The following GANC variants were observed in gnomAD, a reference collection of about 807,000 sequenced individuals.
GANC encodes neutral alpha-glucosidase C.
In GANC, 117 loss-of-function variants were observed where a neutral mutation model predicts 124.2. That is an observed-to-expected ratio of 0.94 (90% confidence interval 0.81 to 1.10). The LOEUF (loss-of-function observed/expected upper bound fraction) is 1.10. Ranked by LOEUF, GANC falls within the 50% of genes least tolerant of loss-of-function variation. GANC has a pLI of 0.00. For synonymous variants in GANC, 377 were observed against 376.8 expected, an observed-to-expected ratio of 1.00 and a Z score of -0.01; for missense variants, 1,140 against 1,095.0, an observed-to-expected ratio of 1.04 and a Z score of -0.58.
At chr15:42,307,367 T>A (rs1033462281) in intron 7 of GANC, among the ~76,000 whole-genome samples, 1 of 138,622 alleles carries the variant, frequency 7.2e-6, no homozygotes, top group African/African-American at 2.7e-5. Flanking sequence ...AGGTTCTCAC[T>A]CTGTCACCCA....
chr15:42,335,607 A>G (rs1457026543), intron 15 of GANC, among the ~76,000 whole-genome samples: 2 of 152,212 alleles, frequency 1.3e-5, no homozygotes, highest in Non-Finnish European at 2.9e-5. Flanking sequence ...TATTGGAAGA[A>G]GTCCTGGCCA....
rs759154896 is a variant in GANC, at chr15:42,340,779, T to C, written c.2152+25T>C. On this transcript the variant is annotated intron_variant, in intron 18 of 23. Transcript: ENST00000318010. ...GGTGAGCATTTCTGTTTTTTTTTTT[T>C]TTTTTGAGACGGAGTCTCACTCTGT... 1.9e-6 allele frequency: 3 copies of C among 1,580,192 alleles called. No homozygotes were observed. In the South Asian group the frequency reaches 3.4e-5, roughly 18 times the overall value.
intron 15 of GANC, among the ~76,000 whole-genome samples, chr15:42,335,367 C>A (rs1164525893): frequency 6.6e-6 from 1 of 152,146 alleles, no homozygotes; most frequent in Non-Finnish European, 1.5e-5. Flanking sequence ...ACAAAAACCA[C>A]ATGATCATCT....
rs772377880 is a variant in GANC at position 42,348,205 on chromosome 15, C to A, written c.2407C>A (p.Leu803Ile). Residue 803 changes from leucine to isoleucine, a missense_variant, in exon 21 of 24, where the codon CTA (leucine) becomes ATA (isoleucine). Physicochemically the swap from Leu to Ile is conservative, Grantham distance 5. Transcript: ENST00000318010. ...TESSYGLRVA[L>I]STKGSSVGEL... is the part of the protein sequence containing the mutation. ...ATCCTCCTATGGACTCCGGGTTGCT[C>A]TAAGCACTAAGGTATTTGGTAAATC... is the stretch of plus-strand genomic sequence containing the variant. 1.2e-6 allele frequency: 2 copies of A among 1,603,452 alleles called. No homozygotes were observed. The highest frequency in any genetic ancestry group is 1.7e-6 in the Non-Finnish European group (2 of 1,171,428).
Position 42,326,345 on chromosome 15 carries a change from A to C in GANC, c.1341A>C (p.Ser447=). 6.2e-7 allele frequency: 1 copy of C among 1,614,114 alleles called. No homozygotes were observed. Residue 447 remains serine, a synonymous_variant, in exon 12 of 24, where the codon TCA becomes TCC. Transcript: ENST00000318010. ...ACATCAAGATTGATCCTGACTACTC[A>C]GTATATGTGAAGGCCAAAGATCAGG... The part of the protein sequence containing the change: ...DPHIKIDPDY[S]VYVKAKDQGF...
rs2052163294 is a variant in GANC at position 42,322,023 on chromosome 15, A to G, written c.1293+3A>G. The stretch of plus-strand genomic sequence containing the variant: ...TGCTCAGGAGCAAAAAGCGTAAGGT[A>G]AAATAAGCCAACATTTCTGAACCTT... On this transcript the variant is annotated splice_donor_region_variant and intron_variant, in intron 11 of 23. Coordinates refer to ENST00000318010, the MANE Select transcript of GANC (RefSeq NM_198141.3). The G allele has an allele frequency of 1.1e-5, 17 of 1,601,950 alleles. No individual in the cohort carries two copies. The highest frequency in any genetic ancestry group is 1.4e-5 in the Non-Finnish European group (17 of 1,173,540).
At position 42,273,552 on chromosome 15, in the gene GANC, G is replaced by A; in HGVS notation, c.-930G>A. 1 of 1,323,866 alleles carries A rather than the reference G, an allele frequency of 7.6e-7. No homozygotes were observed. Among genetic ancestry groups the A allele is most frequent in the Non-Finnish European group, 1.0e-6 (1 of 984,648 alleles). The allele number at this position is 1,323,866 out of a possible 1,614,324, so 82.0% of individuals were successfully genotyped here. ...GGCGTAGCGGCCCCTCTCTCAGACA[G>A]TCGTCTGTGCGCCGTGAGACTTTGG... is the stretch of plus-strand genomic sequence containing the variant. On this transcript the variant is annotated 5_prime_UTR_variant, in exon 1 of 24. Coordinates refer to ENST00000318010, the MANE Select transcript of GANC (RefSeq NM_198141.3).
At chr15:42,287,405 A>C (rs1315581803) in intron 3 of GANC, among the ~76,000 whole-genome samples, 1 of 152,136 alleles carries the variant, frequency 6.6e-6, no homozygotes, top group Non-Finnish European at 1.5e-5. Context: ...CCTGTCTTTC[A>C]GTGTAATTAT....
intron 7 of GANC, among the ~76,000 whole-genome samples, chr15:42,307,750 A>G (rs964829331): frequency 6.6e-6 from 1 of 152,190 alleles, no homozygotes; most frequent in Non-Finnish European, 1.5e-5. Context: ...TGCCCTTGAC[A>G]TTTGCATTCC....
intron 3 of GANC, 136 bp from the exon 4 acceptor site, chr15:42,287,555 T>C: frequency 1.2e-6 from 1 of 831,224 alleles, no homozygotes; most frequent in Middle Eastern, 3.4e-4. Context: ...GAGCTTTTTT[T>C]TTTAATTGCC....
intron 15 of GANC, among the ~76,000 whole-genome samples, chr15:42,336,852 C>T (rs2052287062): frequency 6.6e-6 from 1 of 152,154 alleles, no homozygotes; most frequent in Middle Eastern, 3.2e-3. Context: ...CAAAAGAAGA[C>T]ATACATGTGG....
chr15:42,308,157 T>G, intron 7 of GANC, 65 bp from the exon 8 acceptor site: 1 of 1,019,122 alleles, frequency 9.8e-7, no homozygotes, highest in Middle Eastern at 2.1e-4. Context: ...GCACTCAGAA[T>G]TAACTGAATC....
intron 3 of GANC, chr15:42,283,946 A>G (rs577448649): frequency 1.4e-5 from 10 of 702,628 alleles, no homozygotes; most frequent in East Asian, 8.0e-5. Flanking sequence ...AGTGCTTGCA[A>G]TAAACCAACT....
chr15:42,310,444 A>G lies in GANC; in HGVS notation c.884A>G (p.Asn295Ser), dbSNP rs911977406. ...GCCTCGGAAACACTGGTGGAGATCAATACAGAGCCTGCAGTAGAGGTGAGC... is the reference window on the plus strand; with the variant it reads ...GCCTCGGAAACACTGGTGGAGATCAGTACAGAGCCTGCAGTAGAGGTGAGC... Reference protein sequence around the residue: ...LNASETLVEINTEPAVEYTLT... With the variant: ...LNASETLVEISTEPAVEYTLT... Residue 295 changes from asparagine to serine, a missense_variant, in exon 9 of 24, where the codon AAT becomes AGT. Transcript: ENST00000318010. 2.5e-6 allele frequency: 4 copies of G among 1,609,164 alleles called. No homozygotes were observed. In the African/African-American group the frequency reaches 5.4e-5, roughly 22 times the overall value.
intron 2 of GANC, among the ~76,000 whole-genome samples, chr15:42,277,613 T>G (rs1255981685): frequency 6.7e-6 from 1 of 149,514 alleles, no homozygotes; most frequent in East Asian, 1.9e-4. Context: ...TTTTATGCAT[T>G]TTTTTGAGAC....
rs370947262 is a variant in GANC, at chr15:42,325,468, G to A, written c.1294-830G>A. Among the ~76,000 whole-genome samples the A allele has an allele frequency of 1.2e-4, 18 of 152,304 alleles. No individual in the cohort carries two copies. The East Asian group carries it at 1.9e-3, about 16-fold the overall frequency. ...CACAGAGAGATGCTAGAGACACAGC[G>A]CTGTGGCTTACAACTTTTCTCAAAT... On this transcript the variant is annotated intron_variant, in intron 11 of 23. Transcript: ENST00000318010.
chr15:42,309,784 C>T (rs575129013), intron 8 of GANC, among the ~76,000 whole-genome samples: 3 of 151,584 alleles, frequency 2.0e-5, no homozygotes, highest in East Asian at 2.0e-4. Context: ...TTTGGGAGGC[C>T]GAGGTGGGTA....
rs576635568 is a variant in GANC at position 42,351,496 on chromosome 15, A to G, written c.2635+64A>G. The G allele has an allele frequency of 3.0e-4, 346 of 1,151,342 alleles. 1 individual carries two copies. Among genetic ancestry groups the G allele is most frequent in the Non-Finnish European group, 3.9e-4 (301 of 765,756 alleles). The allele number at this position is 1,151,342 out of a possible 1,614,324, so 71.3% of individuals were successfully genotyped here. A position where few individuals can be genotyped will look rare whatever the true frequency, so the allele number is the denominator to read the frequency against. ...TATAAACAGAAGTATCTGCAGTGAG[A>G]TGATTAGTCCCCAAACGGAGATAAT... On this transcript the variant is annotated intron_variant, in intron 23 of 23. Transcript: ENST00000318010.
At chr15:42,274,782 C>T (rs1485522536) in intron 1 of GANC, among the ~76,000 whole-genome samples, 1 of 151,702 alleles carries the variant, frequency 6.6e-6, no homozygotes, top group Non-Finnish European at 1.5e-5. Context: ...TCGAGACCCC[C>T]TCCCCGCCCC....
Sources: allele counts gnomAD v4.1 joint callset (sites outside exome capture counted in the v4.1 genomes callset), GRCh38; gene constraint gnomAD v4.1.1; transcripts MANE v1.5; gene names NCBI Gene and HGNC (gene_info 2026-07-23, HGNC 2026-07-21).